Variants in SUMF1 observed in about 807,000 individuals in gnomAD.
SUMF1 encodes the protein formylglycine-generating enzyme.
A neutral mutation model predicts 47.6 loss-of-function variants in SUMF1; 48 were observed. That is an observed-to-expected ratio of 1.01 (90% CI 0.80 to 1.28). The LOEUF is 1.28. Among genes scored for constraint, SUMF1 ranks in the 50% most tolerant of loss-of-function variants. SUMF1 has a pLI of 0.00. For synonymous variants in SUMF1, 230 were observed against 192.1 expected, an observed-to-expected ratio of 1.20 and a Z score of -1.63; for missense variants, 571 against 485.4, an observed-to-expected ratio of 1.18 and a Z score of -1.66.
intron 8 of SUMF1, among the ~76,000 whole-genome samples, chr3:4,095,383 T>C (rs1325944821): frequency 6.6e-6 from 1 of 152,086 alleles, no homozygotes; most frequent in Non-Finnish European, 1.5e-5. Context: ...GCAGAAAATC[T>C]AGTACCTTTC....
downstream of SUMF1, among the ~76,000 whole-genome samples, chr3:4,356,604 G>A (rs921046170): frequency 2.0e-5 from 3 of 151,166 alleles, no homozygotes; most frequent in Non-Finnish European, 2.9e-5. Context: ...TCTGTGAAAC[G>A]TATCAACTCT....
chr3:4,062,113 A>G, intron 9 of SUMF1, among the ~76,000 whole-genome samples: 1 of 151,966 alleles, frequency 6.6e-6, no homozygotes, highest in Non-Finnish European at 1.5e-5. Context: ...GTCATGCCCT[A>G]AGCTCCTAAT....
intron 7 of SUMF1, among the ~76,000 whole-genome samples, chr3:4,387,131 CTTCTT>C (rs1354850424): frequency 6.6e-6 from 1 of 151,866 alleles, no homozygotes; most frequent in African/African-American, 2.4e-5. Context: ...AAAGTGTTCC[CTTCTT>C]TTCATTTTCT....
rs560901034 is a variant in SUMF1, at chr3:4,342,383, A to C, written c.1014+33947T>G. On this transcript the variant is annotated intron_variant and NMD_transcript_variant, in intron 8 of 12. Transcript: ENST00000448413. ...CCCCATCTCTACTAAAAATACAAAAATTAGCTAGATGTGATGGCACATGCC... is the reference window on the plus strand; with the variant it reads ...CCCCATCTCTACTAAAAATACAAAACTTAGCTAGATGTGATGGCACATGCC... Among the ~76,000 whole-genome samples, 13 of 152,248 alleles carry C rather than the reference A, an allele frequency of 8.5e-5. No individual in the cohort carries two copies. The East Asian group carries it at 1.9e-3, about 23-fold the overall frequency.
intron 7 of SUMF1, among the ~76,000 whole-genome samples, chr3:4,389,436 A>T (rs911743190): frequency 2.6e-5 from 4 of 151,258 alleles, no homozygotes; most frequent in African/African-American, 9.7e-5. Flanking sequence ...GTCTTCTTGT[A>T]GATTTCTTCA....
rs554376554 is a variant in SUMF1, at chr3:4,275,219, C to T, written c.1014+101111G>A. On this transcript the variant is annotated intron_variant and NMD_transcript_variant, in intron 8 of 12. Coordinates refer to the SUMF1 transcript ENST00000448413. ...GAAGCAAGAAATGAAGTAGTTAGAA[C>T]GACTTCAGCTCTAAACACAGTTTTA... 1.2e-4 allele frequency among the ~76,000 whole-genome samples: 19 copies of T among 152,190 alleles called. No homozygotes were observed. In the South Asian group the frequency reaches 3.7e-3, roughly 30 times the overall value.
chr3:4,064,643 GTATGGGTCAGGACCCC>G (rs1270027354), intron 9 of SUMF1, among the ~76,000 whole-genome samples: 5 of 152,050 alleles, frequency 3.3e-5, no homozygotes, highest in Non-Finnish European at 7.4e-5. Context: ...CTCTCTTGAG[GTATGGGTCAGGACCCC>G]TTTTCAGTAA....
At chr3:4,296,371 CT>C (rs1459045068) in intron 8 of SUMF1, among the ~76,000 whole-genome samples, 1 of 151,360 alleles carries the variant, frequency 6.6e-6, no homozygotes, top group Non-Finnish European at 1.5e-5. Flanking sequence ...CATATAACTT[CT>C]ATACAGAGCT....
At chr3:4,334,312 T>C (rs1040077319) in intron 8 of SUMF1, among the ~76,000 whole-genome samples, 7 of 152,256 alleles carry the variant, frequency 4.6e-5, no homozygotes, top group African/African-American at 1.7e-4. Context: ...TTGATTTTTT[T>C]GCTTTTGAAC....
At chr3:4,201,454 C>G (rs937005529) in intron 8 of SUMF1, among the ~76,000 whole-genome samples, 3 of 152,036 alleles carry the variant, frequency 2.0e-5, no homozygotes, top group Admixed American at 2.0e-4. Context: ...TTCCACCCAT[C>G]TTGTTGTAAA....
chr3:4,384,859 C>G (rs540971634), intron 7 of SUMF1, among the ~76,000 whole-genome samples: 2 of 151,584 alleles, frequency 1.3e-5, no homozygotes, highest in African/African-American at 4.9e-5. Flanking sequence ...ATATAGTGGT[C>G]GAATGTTTAC....
chr3:4,333,834 T>A (rs1451969847), intron 8 of SUMF1, among the ~76,000 whole-genome samples: 2 of 148,748 alleles, frequency 1.3e-5, no homozygotes, highest in African/African-American at 2.5e-5. Context: ...TTTTTTTTTT[T>A]AAGTTTTAGC....
At chr3:4,440,005 G>A (rs1311918222) in intron 3 of SUMF1, among the ~76,000 whole-genome samples, 2 of 152,034 alleles carry the variant, frequency 1.3e-5, no homozygotes, top group African/African-American at 2.4e-5. Context: ...AGGCCGAGGC[G>A]GGTGGATCAC....
chr3:4,234,321 G>T (rs942963261), intron 8 of SUMF1, among the ~76,000 whole-genome samples: 1 of 151,990 alleles, frequency 6.6e-6, no homozygotes, highest in Non-Finnish European at 1.5e-5. Flanking sequence ...AAGTCAAAGG[G>T]AATATGAATT....
chr3:4,286,480 C>T (rs1302848433), intron 8 of SUMF1, among the ~76,000 whole-genome samples: 3 of 152,036 alleles, frequency 2.0e-5, no homozygotes, highest in Non-Finnish European at 2.9e-5. Context: ...GAATGAAAAA[C>T]AACTTATTTG....
intron 9 of SUMF1, among the ~76,000 whole-genome samples, chr3:4,064,664 C>T (rs1215391811): frequency 6.6e-6 from 1 of 152,066 alleles, no homozygotes; most frequent in Non-Finnish European, 1.5e-5. Context: ...GACCCCTTTT[C>T]AGTAACAGCC....
chr3:4,366,874 G>A (rs572563536), intron 8 of SUMF1, among the ~76,000 whole-genome samples: 1 of 152,214 alleles, frequency 6.6e-6, no homozygotes, highest in South Asian at 2.1e-4. Flanking sequence ...TTTGATGATG[G>A]TGATGTACAG....
intron 8 of SUMF1, among the ~76,000 whole-genome samples, chr3:4,310,998 G>T (rs562071225): frequency 6.6e-6 from 1 of 152,234 alleles, no homozygotes; most frequent in Non-Finnish European, 1.5e-5. Flanking sequence ...GAGTTTGACT[G>T]ATAGAGCATC....
intron 8 of SUMF1, among the ~76,000 whole-genome samples, chr3:4,252,352 GCACACACA>G (rs142977510): frequency 0.024 from 3,142 of 129,662 alleles, 122 homozygotes; most frequent in African/African-American, 0.081. Context: ...ACACACATGC[GCACACACA>G]CACACACACA....
Sources: gnomAD v4.1 joint callset for allele counts (sites outside exome capture counted in the v4.1 genomes callset) on GRCh38, gnomAD v4.1.1 for gene constraint, MANE v1.5 for transcripts, NCBI Gene and HGNC (gene_info 2026-07-23, HGNC 2026-07-21) for gene names.